Variants in DUSP22 observed in about 807,000 individuals in gnomAD.
DUSP22 encodes dual specificity phosphatase 22, also known as dual specificity protein phosphatase 22.
In DUSP22, 24 loss-of-function variants were observed where a neutral mutation model predicts 24.5. The ratio of observed to expected loss-of-function variants is 0.98; its 90% confidence interval spans 0.71 to 1.38. DUSP22 has a LOEUF of 1.38. Ranked by LOEUF, DUSP22 falls within the 40% of genes most tolerant of loss-of-function variation. The pLI is 0.00. For synonymous variants in DUSP22, 160 were observed against 106.4 expected (o/e 1.50, Z -3.10); for missense variants, 330 against 269.2 (o/e 1.23, Z -1.58).
rs1319392841 is a variant in DUSP22, at chr6:351,047, A to G, written c.*2096A>G. 1.2e-5 allele frequency: 12 copies of G among 997,574 alleles called. No homozygotes were observed. Among genetic ancestry groups the G allele is most frequent in the African/African-American group, 1.6e-5 (1 of 61,462 alleles). 61.8% of individuals were successfully genotyped at this position (997,574 alleles called of 1,614,324 possible). A position where few individuals can be genotyped will look rare whatever the true frequency, so the allele number is the denominator to read the frequency against. On this transcript the variant is annotated 3_prime_UTR_variant, in exon 7 of 7. Coordinates refer to ENST00000419235, the MANE Select transcript of DUSP22 (RefSeq NM_001286555.3). ...AACTAAGGATATTCTTTAGCAAGAG[A>G]AAATATTTTCCCCTTATCCCCACTG...
At position 345,932 on chromosome 6, in the gene DUSP22, C is replaced by G. The variant is rs373954135; in HGVS notation, c.263+4C>G. On this transcript the variant is annotated splice_donor_region_variant and intron_variant, in intron 5 of 6. Transcript: ENST00000419235. ...GTGAGAGCTGCCTTGTACACTGGTA[C>G]GTGTGTCTCTTGCTTAATAGCGCCT... 2.3e-5 allele frequency: 37 copies of G among 1,614,012 alleles called. No homozygotes were observed. The highest frequency in any genetic ancestry group is 3.3e-4 in the Middle Eastern group (2 of 6,084).
rs1760135086 is a variant in DUSP22 at position 350,314 on chromosome 6, G to T, written c.*1363G>T. 1 of 999,080 alleles carries T rather than the reference G, an allele frequency of 1.0e-6. No individual in the cohort carries two copies. The highest frequency in any genetic ancestry group is 1.7e-5 in the African/African-American group (1 of 57,540). The allele number at this position is 999,080 out of a possible 1,614,324, so 61.9% of individuals were successfully genotyped here. On this transcript the variant is annotated 3_prime_UTR_variant, in exon 7 of 7. Transcript: ENST00000419235. ...TACAGTTTGTACTCTGGGGCTGCAG[G>T]CATCCTGGGACGCTGTACGCAATTC...
intron 4 of DUSP22, among the ~76,000 whole-genome samples, chr6:341,774 A>C (rs1759619800): frequency 6.6e-6 from 1 of 152,302 alleles, no homozygotes; most frequent in African/African-American, 2.4e-5. Flanking sequence ...CTCTTACTAC[A>C]GACGGAAAGA....
intron 2 of DUSP22, among the ~76,000 whole-genome samples, chr6:310,738 AT>A (rs1479409522): frequency 2.6e-5 from 4 of 152,308 alleles, no homozygotes; most frequent in Non-Finnish European, 4.4e-5. Flanking sequence ...AATTAAAAAA[AT>A]ATTTTAAATA....
At chr6:328,205 CT>C (rs1758973710) in intron 3 of DUSP22, among the ~76,000 whole-genome samples, 1 of 152,304 alleles carries the variant, frequency 6.6e-6, no homozygotes, top group Non-Finnish European at 1.5e-5. Context: ...TCCCAAGTGA[CT>C]GCTGAAACTG....
intron 1 of DUSP22, among the ~76,000 whole-genome samples, chr6:301,861 T>C (rs1757594796): frequency 6.6e-6 from 1 of 152,302 alleles, no homozygotes; most frequent in African/African-American, 2.4e-5. Flanking sequence ...AGTCAGAACA[T>C]CATGGTTCTA....
chr6:312,053 C>A, intron 3 of DUSP22, 91 bp downstream of exon 3: 2 of 1,336,998 alleles, frequency 1.5e-6, no homozygotes, highest in Non-Finnish European at 2.1e-6. Flanking sequence ...AGGTTCTCTC[C>A]AATGCGAACG....
rs763462187 is a variant in DUSP22, at chr6:311,873, C to CT, written c.56-6dup. The stretch of plus-strand genomic sequence containing the variant: ...TCAAAATGTCCATCCCCTTTCTTCT[C>CT]TGACAGATGCCAGAGACGCGGAACA... On this transcript the variant is annotated splice_polypyrimidine_tract_variant and splice_region_variant and intron_variant, in intron 2 of 6. Coordinates refer to ENST00000419235, the MANE Select transcript of DUSP22 (RefSeq NM_001286555.3). The CT allele has an allele frequency of 1.4e-5, 22 of 1,609,998 alleles. No individual in the cohort carries two copies. Among genetic ancestry groups the CT allele is most frequent in the Middle Eastern group, 1.6e-4 (1 of 6,068 alleles).
intron 1 of DUSP22, 33 bp downstream of exon 1, chr6:292,593 C>T (rs1757138238): frequency 1.3e-6 from 2 of 1,586,756 alleles, no homozygotes; most frequent in African/African-American, 1.4e-5. Flanking sequence ...CTGGGTTTGC[C>T]TCCGCTCCGA....
chr6:304,335 G>A (rs1757721242), intron 1 of DUSP22, among the ~76,000 whole-genome samples: 3 of 152,304 alleles, frequency 2.0e-5, no homozygotes, highest in Admixed American at 1.3e-4. Context: ...GGCCAGGGTG[G>A]GCAGGCGGGG....
rs1450749552 is a variant in DUSP22, at chr6:349,922, CCT to C, written c.*975_*976del. 2 of 985,870 alleles carry C rather than the reference CCT, an allele frequency of 2.0e-6. No homozygotes were observed. Among genetic ancestry groups the C allele is most frequent in the African/African-American group, 3.5e-5 (2 of 57,286 alleles). The allele number at this position is 985,870 out of a possible 1,614,324, so 61.1% of individuals were successfully genotyped here. Reference sequence around the variant, plus strand: ...CCTTGCCAGCTTCATTCACTCCCAGCCTCTCGCTGTCCTCACTTTGCAGGGGC... The same window carrying C: ...CCTTGCCAGCTTCATTCACTCCCAGCCTCGCTGTCCTCACTTTGCAGGGGC... On this transcript the variant is annotated 3_prime_UTR_variant, in exon 7 of 7. Transcript: ENST00000419235.
intron 3 of DUSP22, among the ~76,000 whole-genome samples, chr6:330,938 G>A (rs961795522): frequency 6.6e-6 from 1 of 152,300 alleles, no homozygotes; most frequent in African/African-American, 2.4e-5. Flanking sequence ...AATATACGGT[G>A]TACACCTGGT....
At chr6:343,836 CATTCTT>C (rs1326316175) in intron 4 of DUSP22, among the ~76,000 whole-genome samples, 1 of 152,310 alleles carries the variant, frequency 6.6e-6, no homozygotes. Flanking sequence ...CTGAATTTCT[CATTCTT>C]ATTACATTCA....
intron 2 of DUSP22, among the ~76,000 whole-genome samples, chr6:307,260 G>A (rs1757852177): frequency 6.6e-6 from 1 of 152,300 alleles, no homozygotes; most frequent in African/African-American, 2.4e-5. Flanking sequence ...CCCTTCTTCT[G>A]TCCCTTCTCC....
chr6:349,733 G>A lies in DUSP22; in HGVS notation c.*782G>A. ...CTCCATCTCAATGTGAATGCACCAG[G>A]CTGAGGGTTCCCTAGCGCCTTGAGT... is the stretch of plus-strand genomic sequence containing the variant. On this transcript the variant is annotated 3_prime_UTR_variant, in exon 7 of 7. Transcript: ENST00000419235. 1.0e-6 allele frequency: 1 copy of A among 986,142 alleles called. No individual in the cohort carries two copies. The highest frequency in any genetic ancestry group is 1.2e-6 in the Non-Finnish European group (1 of 830,416). 61.1% of individuals were successfully genotyped at this position (986,142 alleles called of 1,614,324 possible). A position where few individuals can be genotyped will look rare whatever the true frequency, so the allele number is the denominator to read the frequency against.
In DUSP22 at chr6:348,169, C is replaced by T. The variant is rs757231695; in HGVS notation, c.330C>T (p.Gly110=). ...IAYIMTVTDF[G]WEDALHTVRA... is the part of the protein sequence containing the mutation. ...ACATCATGACCGTCACTGACTTTGG[C>T]TGGGAGGATGCCCTGCACACCGTGC... is the stretch of plus-strand genomic sequence containing the variant. The change falls in exon 6 of 7, where the codon GGC becomes GGT. Residue 110 remains glycine, a synonymous_variant. Transcript: ENST00000419235. The T allele has an allele frequency of 9.3e-6, 15 of 1,614,302 alleles. No individual in the cohort carries two copies. The highest frequency in any genetic ancestry group is 1.3e-5 in the Non-Finnish European group (15 of 1,180,054).
chr6:295,931 G>A (rs1420477081), intron 1 of DUSP22, among the ~76,000 whole-genome samples: 2 of 152,284 alleles, frequency 1.3e-5, no homozygotes, highest in Non-Finnish European at 2.9e-5. Context: ...GGGGAATGGA[G>A]ATTTGGAGAG....
rs1760127510 is a variant in DUSP22 at position 350,197 on chromosome 6, ACCG to A, written c.*1247_*1249del. On this transcript the variant is annotated 3_prime_UTR_variant, in exon 7 of 7. Transcript: ENST00000419235. ...TGCTTTTGAAACCAAAGGGGAAGGT[ACCG>A]ATATCATTGAGCTATTTAAAGTTGC... 1.0e-6 allele frequency: 1 copy of A among 986,840 alleles called. No individual in the cohort carries two copies. Among genetic ancestry groups the A allele is most frequent in the Non-Finnish European group, 1.2e-6 (1 of 831,024 alleles). 61.1% of individuals were successfully genotyped at this position (986,840 alleles called of 1,614,324 possible). A position where few individuals can be genotyped will look rare whatever the true frequency, so the allele number is the denominator to read the frequency against.
At chr6:346,122 A>T (rs986828864) in intron 5 of DUSP22, among the ~76,000 whole-genome samples, 194 bp downstream of exon 5, 3 of 152,234 alleles carry the variant, frequency 2.0e-5, no homozygotes, top group Non-Finnish European at 4.4e-5. Context: ...GAGAACCCTA[A>T]CTCGTTTTGC....
Sources: gnomAD v4.1 joint callset for allele counts (sites outside exome capture counted in the v4.1 genomes callset) on GRCh38, gnomAD v4.1.1 for gene constraint, MANE v1.5 for transcripts, NCBI Gene and HGNC (gene_info 2026-07-23, HGNC 2026-07-21) for gene names.